PCCA: variants seen among roughly 807,000 people sequenced by gnomAD.
PCCA encodes the protein propionyl-CoA carboxylase subunit alpha.
A neutral mutation model predicts 101.3 loss-of-function variants in PCCA; 74 were observed. The observed-to-expected ratio is 0.73, with a 90% CI of 0.61 to 0.89. The LOEUF (loss-of-function observed/expected upper bound fraction) is 0.89, where lower values mean the gene tolerates loss of function less well. PCCA is among the 40% of genes least tolerant of loss of function. The pLI is 0.00. For synonymous variants in PCCA, 294 were observed against 313.6 expected (o/e 0.94, Z 0.66); for missense variants, 891 against 907.0 (o/e 0.98, Z 0.23).
intron 19 of PCCA, among the ~76,000 whole-genome samples, chr13:100,374,942 C>T (rs2075808214): frequency 6.6e-6 from 1 of 152,124 alleles, no homozygotes; most frequent in Admixed American, 6.5e-5. Context: ...TTCTCTAGTT[C>T]TTTTAATTGT....
intron 19 of PCCA, among the ~76,000 whole-genome samples, chr13:100,397,065 C>T (rs1028423622): frequency 6.6e-6 from 1 of 152,182 alleles, no homozygotes; most frequent in African/African-American, 2.4e-5. Context: ...TATTCATGGA[C>T]ACTCTACTGA....
intron 19 of PCCA, among the ~76,000 whole-genome samples, chr13:100,374,452 A>G (rs984154845): frequency 1.2e-4 from 19 of 152,080 alleles, no homozygotes; most frequent in Admixed American, 9.2e-4. Context: ...CTTGCTCAAT[A>G]TAACACAAAA....
rs142028637 is a variant in PCCA at position 100,263,984 on chromosome 13, T to C, written c.819+1153T>C. On this transcript the variant is annotated intron_variant, in intron 10 of 23. Coordinates refer to ENST00000376285, the MANE Select transcript of PCCA (RefSeq NM_000282.4). ...TCATATATACGGTATCTGTATGTCA[T>C]ATATACGGTATCTGTATATCGTATA... is the stretch of plus-strand genomic sequence containing the variant. Among the ~76,000 whole-genome samples, 1,380 of 150,454 alleles carry C rather than the reference T, an allele frequency of 9.2e-3. 11 individuals carry two copies. Among genetic ancestry groups the C allele is most frequent in the African/African-American group, 0.032 (1,323 of 40,736 alleles).
In PCCA at chr13:100,234,833, G is replaced by A. The variant is rs2060689931; in HGVS notation, c.601-1009G>A. ...AATTCAGTCACACTTACCAGCTGTG[G>A]TTTCAAAACAATATTGTCAGTCTTT... On this transcript the variant is annotated intron_variant, in intron 7 of 23. Transcript: ENST00000376285. Among the ~76,000 whole-genome samples the A allele has an allele frequency of 2.6e-5, 4 of 151,462 alleles. No homozygotes were observed. The South Asian group carries it at 8.4e-4, about 32-fold the overall frequency.
intron 19 of PCCA, among the ~76,000 whole-genome samples, chr13:100,372,652 C>A (rs1395054822): frequency 6.6e-6 from 1 of 152,074 alleles, no homozygotes; most frequent in Non-Finnish European, 1.5e-5. Context: ...CCCAAAGTAA[C>A]CACTCTGTCA....
At chr13:100,521,484 T>G (rs1246214256) in intron 22 of PCCA, among the ~76,000 whole-genome samples, 1 of 152,254 alleles carries the variant, frequency 6.6e-6, no homozygotes, top group Non-Finnish European at 1.5e-5. Context: ...GGTTCCATCC[T>G]TGCTCAAATA....
chr13:100,505,712 C>A (rs1594053479), intron 21 of PCCA, among the ~76,000 whole-genome samples: 1 of 152,134 alleles, frequency 6.6e-6, no homozygotes. Flanking sequence ...AAAACATACT[C>A]AAACACTAAG....
intron 16 of PCCA, among the ~76,000 whole-genome samples, chr13:100,325,650 C>A (rs138101413): frequency 6.6e-6 from 1 of 152,156 alleles, no homozygotes; most frequent in Non-Finnish European, 1.5e-5. Context: ...CAAATGCAAT[C>A]AGGTTTATGA....
chr13:100,372,399 A>G (rs1371940193), intron 19 of PCCA, among the ~76,000 whole-genome samples: 1 of 151,554 alleles, frequency 6.6e-6, no homozygotes, highest in African/African-American at 2.4e-5. Context: ...TAGATAACAT[A>G]GGGGAAAAGC....
intron 16 of PCCA, among the ~76,000 whole-genome samples, chr13:100,318,373 TAAC>T (rs2067609067): frequency 1.3e-5 from 2 of 152,022 alleles, no homozygotes; most frequent in South Asian, 4.1e-4. Context: ...CTTTAAGTTC[TAAC>T]AACGTGCAGG....
intron 4 of PCCA, among the ~76,000 whole-genome samples, chr13:100,113,693 C>T (rs891098464): frequency 2.0e-5 from 3 of 151,870 alleles, no homozygotes; most frequent in African/African-American, 7.3e-5. Flanking sequence ...ATTCTCCTGC[C>T]TCATCCTCTC....
intron 19 of PCCA, among the ~76,000 whole-genome samples, chr13:100,371,297 C>G (rs1023470315): frequency 1.3e-5 from 2 of 152,086 alleles, no homozygotes; most frequent in Non-Finnish European, 2.9e-5. Context: ...TTAGGCAAAG[C>G]AATTTCATTT....
At chr13:100,437,221 A>G (rs2079999621) in intron 20 of PCCA, among the ~76,000 whole-genome samples, 1 of 152,222 alleles carries the variant, frequency 6.6e-6, no homozygotes, top group African/African-American at 2.4e-5. Context: ...TTACTCCCAC[A>G]GAACCACCCG....
At chr13:100,164,127 A>G (rs554433236) in intron 6 of PCCA, among the ~76,000 whole-genome samples, 94 of 152,326 alleles carry the variant, frequency 6.2e-4, no homozygotes, top group African/African-American at 2.2e-3. Flanking sequence ...GAGTTAGGAC[A>G]TTTCTTTAAA....
intron 19 of PCCA, among the ~76,000 whole-genome samples, chr13:100,407,156 T>G (rs1039104525): frequency 4.6e-5 from 7 of 152,248 alleles, no homozygotes; most frequent in African/African-American, 1.7e-4. Context: ...ATTAGAATTT[T>G]AGAAATCCCA....
intron 6 of PCCA, 81 bp from the exon 7 acceptor site, chr13:100,209,251 G>T (rs1460287259): frequency 6.8e-6 from 8 of 1,184,856 alleles, no homozygotes; most frequent in South Asian, 1.3e-5. Context: ...ACACATATGG[G>T]CTTTTCTTTT....
chr13:100,435,681 T>A (rs1237119491), intron 20 of PCCA, among the ~76,000 whole-genome samples: 1 of 152,192 alleles, frequency 6.6e-6, no homozygotes, highest in African/African-American at 2.4e-5. Context: ...GAACAAAGAA[T>A]TGGACAACAT....
intron 19 of PCCA, among the ~76,000 whole-genome samples, chr13:100,376,583 A>C (rs1385586809): frequency 1.3e-5 from 2 of 152,198 alleles, no homozygotes; most frequent in Non-Finnish European, 2.9e-5. Context: ...GTCTGGCGAC[A>C]GCGGCTTTAC....
intron 17 of PCCA, among the ~76,000 whole-genome samples, chr13:100,339,769 G>A (rs2071026723): frequency 6.6e-6 from 1 of 152,166 alleles, no homozygotes; most frequent in African/African-American, 2.4e-5. Context: ...GGGGCTTCTT[G>A]CACGCTATCC....
Sources: gnomAD v4.1 joint callset for allele counts (sites outside exome capture counted in the v4.1 genomes callset) on GRCh38, gnomAD v4.1.1 for gene constraint, MANE v1.5 for transcripts, NCBI Gene and HGNC (gene_info 2026-07-23, HGNC 2026-07-21) for gene names.